HAPLN1: variants seen among roughly 807,000 people sequenced by gnomAD.
The protein encoded by HAPLN1 is hyaluronan and proteoglycan link protein 1, also known as Cartilage link protein.
Under a neutral mutation model 36.5 loss-of-function variants are expected in HAPLN1, and 13 were observed. The ratio of observed to expected loss-of-function variants is 0.36; its 90% CI spans 0.23 to 0.57. The LOEUF (loss-of-function observed/expected upper bound fraction) is 0.57. HAPLN1 is among the 20% of genes least tolerant of loss of function. HAPLN1 has a pLI of 0.83. For synonymous variants in HAPLN1, 202 were observed against 169.8 expected (o/e 1.19, Z -1.48); for missense variants, 407 against 439.7 (o/e 0.93, Z 0.66).
intron 1 of HAPLN1, among the ~76,000 whole-genome samples, chr5:83,683,695 A>G (rs934920052): frequency 9.2e-5 from 14 of 152,196 alleles, no homozygotes; most frequent in African/African-American, 2.9e-4. Flanking sequence ...CACTTCTTCA[A>G]AAAGGAACTG....
chr5:83,708,952 C>T (rs1049760866), intron 1 of HAPLN1, among the ~76,000 whole-genome samples: 1 of 152,198 alleles, frequency 6.6e-6, no homozygotes, highest in Non-Finnish European at 1.5e-5. Flanking sequence ...TCTCAGCTCA[C>T]TACAACCTTC....
At chr5:83,648,780 T>C (rs1351809158) in intron 3 of HAPLN1, among the ~76,000 whole-genome samples, 3 of 152,008 alleles carry the variant, frequency 2.0e-5, no homozygotes, top group Admixed American at 6.6e-5. Flanking sequence ...AAGGATGTCA[T>C]TGATAATGAA....
intron 1 of HAPLN1, among the ~76,000 whole-genome samples, chr5:83,711,348 C>T (rs578042985): frequency 6.6e-6 from 1 of 152,314 alleles, no homozygotes; most frequent in South Asian, 2.1e-4. Context: ...AAAGTTGTCC[C>T]ATTCTGCAGG....
At chr5:83,694,469 C>T (rs1329944860) in intron 1 of HAPLN1, among the ~76,000 whole-genome samples, 1 of 151,722 alleles carries the variant, frequency 6.6e-6, no homozygotes, top group African/African-American at 2.4e-5. Flanking sequence ...AAAGATGGTT[C>T]TTTGAAAAGA....
At chr5:83,678,220 G>GGTGTGGGT (rs1554049529) in intron 1 of HAPLN1, among the ~76,000 whole-genome samples, 102 of 142,640 alleles carry the variant, frequency 7.2e-4, no homozygotes, top group Admixed American at 3.9e-3. Flanking sequence ...CTATAGTTTG[G>GGTGTGGGT]GTGTGTGTGT....
intron 3 of HAPLN1, 189 bp downstream of exon 3, chr5:83,652,264 T>G: frequency 3.8e-6 from 2 of 532,176 alleles, no homozygotes; most frequent in Non-Finnish European, 6.5e-6. Context: ...ACATAAGCAT[T>G]GTGTATGCAT....
chr5:83,666,960 T>A (rs1195308996), intron 2 of HAPLN1, among the ~76,000 whole-genome samples: 1 of 152,180 alleles, frequency 6.6e-6, no homozygotes, highest in Non-Finnish European at 1.5e-5. Context: ...TTATGCCTAC[T>A]GACAGAAGCA....
chr5:83,649,314 A>G (rs1749977206), intron 3 of HAPLN1, among the ~76,000 whole-genome samples: 1 of 152,118 alleles, frequency 6.6e-6, no homozygotes, highest in Non-Finnish European at 1.5e-5. Flanking sequence ...TGTCGGTGGT[A>G]TCTGTTGTTC....
In HAPLN1 at chr5:83,703,174, G is replaced by A. The variant is rs1183489949; in HGVS notation, c.-27+17615C>T. 2.0e-5 allele frequency among the ~76,000 whole-genome samples: 3 copies of A among 152,078 alleles called. No homozygotes were observed. The East Asian group carries it at 5.8e-4, about 29-fold the overall frequency. On this transcript the variant is annotated intron_variant, in intron 1 of 4. Coordinates refer to ENST00000274341, the MANE Select transcript of HAPLN1 (RefSeq NM_001884.4). ...CCCCATTTGCGTTAACTCCATCTGA[G>A]ATGCCTATTTCTATATCTCACATGT...
chr5:83,681,547 G>C lies in HAPLN1; in HGVS notation c.-26-7998C>G, dbSNP rs563288312. ...TTTTTTTTTGAGACAAGGTCTGTCT[G>C]TCACAAAGGCTGGAGTGCAGTGGTG... On this transcript the variant is annotated intron_variant, in intron 1 of 4. Transcript: ENST00000274341. Among the ~76,000 whole-genome samples, 9 of 151,674 alleles carry C rather than the reference G, an allele frequency of 5.9e-5. No individual in the cohort carries two copies. The South Asian group carries it at 1.3e-3, about 21-fold the overall frequency.
intron 1 of HAPLN1, among the ~76,000 whole-genome samples, chr5:83,717,546 T>A (rs1044705254): frequency 2.6e-5 from 4 of 152,244 alleles, no homozygotes; most frequent in African/African-American, 9.6e-5. Flanking sequence ...TAATGCTGAT[T>A]GTCCTGATCA....
intron 2 of HAPLN1, among the ~76,000 whole-genome samples, chr5:83,661,305 T>A (rs1311057867): frequency 6.6e-6 from 1 of 152,092 alleles, no homozygotes; most frequent in African/African-American, 2.4e-5. Context: ...CCCCTTCCTC[T>A]ATTTCCTTGG....
chr5:83,656,327 C>CAAAAAAA (rs35902132), intron 2 of HAPLN1, among the ~76,000 whole-genome samples: 27 of 59,784 alleles, frequency 4.5e-4, no homozygotes, highest in African/African-American at 8.3e-4. Flanking sequence ...GACTACGTCT[C>CAAAAAAA]AAAAAAAAAA....
At chr5:83,657,324 C>A (rs1210984897) in intron 2 of HAPLN1, among the ~76,000 whole-genome samples, 1 of 152,122 alleles carries the variant, frequency 6.6e-6, no homozygotes, top group African/African-American at 2.4e-5. Context: ...TCTAGAACTC[C>A]TGACCTCAGG....
At chr5:83,703,214 GC>G (rs1350677269) in intron 1 of HAPLN1, among the ~76,000 whole-genome samples, 1 of 151,984 alleles carries the variant, frequency 6.6e-6, no homozygotes, top group Admixed American at 6.6e-5. Context: ...TACTACCACT[GC>G]CCCCTGCTCC....
intron 3 of HAPLN1, among the ~76,000 whole-genome samples, chr5:83,647,308 G>A (rs1038573111): frequency 5.3e-5 from 8 of 152,156 alleles, no homozygotes; most frequent in Non-Finnish European, 1.0e-4. Context: ...ACTAAGTGTT[G>A]TATCAGCTCA....
intron 1 of HAPLN1, among the ~76,000 whole-genome samples, chr5:83,707,771 A>G (rs532852132): frequency 6.6e-6 from 1 of 152,364 alleles, no homozygotes; most frequent in African/African-American, 2.4e-5. Flanking sequence ...GCACAGCAAA[A>G]TAAACTGTGA....
intron 2 of HAPLN1, among the ~76,000 whole-genome samples, chr5:83,661,105 C>T (rs1750373519): frequency 6.6e-6 from 1 of 152,100 alleles, no homozygotes; most frequent in Non-Finnish European, 1.5e-5. Context: ...TCTAGTGGTT[C>T]TTAGCAAGAC....
In HAPLN1 at chr5:83,641,784, G is replaced by A. The variant is rs192706832; in HGVS notation, c.777C>T (p.Gly259=). Residue 259 remains glycine (G), a splice_region_variant and synonymous_variant, in exon 5 of 5, where the codon GGC becomes GGT. Coordinates refer to ENST00000274341, the MANE Select transcript of HAPLN1 (RefSeq NM_001884.4). ...DVFCFTSNFN[G]RFYYLIHPTK... is the part of the protein sequence containing the mutation. ...TGGGGTGGATCAGATAGTAAAAACG[G>A]CCTGTAGAGAAAAGGAGACAGAGTC... The A allele has an allele frequency of 1.2e-6, 2 of 1,612,518 alleles. No homozygotes were observed. The highest frequency in any genetic ancestry group is 2.2e-5 in the East Asian group (1 of 44,850).
Sources: allele counts gnomAD v4.1 joint callset (sites outside exome capture counted in the v4.1 genomes callset), GRCh38; gene constraint gnomAD v4.1.1; transcripts MANE v1.5; gene names NCBI Gene and HGNC (gene_info 2026-07-23, HGNC 2026-07-21).